UTP18: variants seen among roughly 807,000 people sequenced by gnomAD.
The protein encoded by UTP18 is U3 small nucleolar RNA-associated protein 18 homolog.
UTP18 carries 36 observed loss-of-function variants against 61.1 expected under a neutral mutation model. The observed-to-expected ratio is 0.59, with a 90% confidence interval of 0.45 to 0.78. UTP18 has a LOEUF of 0.78. UTP18 is among the 30% of genes least tolerant of loss of function. UTP18 has a pLI of 0.00. For synonymous variants in UTP18, 282 were observed against 251.1 expected (o/e 1.12, Z -1.16); for missense variants, 753 against 693.9 (o/e 1.09, Z -0.96).
chr17:51,296,195 C>G (rs900993352), intron 12 of UTP18: 9 of 152,160 alleles, frequency 5.9e-5, no homozygotes, highest in African/African-American at 2.2e-4. Flanking sequence ...TTAGGGAGAA[C>G]TAAAGAGCTT....
At chr17:51,276,727 A>G (rs1363836881) in intron 6 of UTP18, among the ~76,000 whole-genome samples, 1 of 152,200 alleles carries the variant, frequency 6.6e-6, no homozygotes, top group Non-Finnish European at 1.5e-5. Flanking sequence ...TGGATAGGGT[A>G]TCCCAGTTTT....
chr17:51,291,629 G>A (rs1472270641), intron 11 of UTP18, among the ~76,000 whole-genome samples: 1 of 151,998 alleles, frequency 6.6e-6, no homozygotes, highest in Admixed American at 6.6e-5. Flanking sequence ...CAGCTACTCA[G>A]GAGGCTGAGA....
intron 12 of UTP18, among the ~76,000 whole-genome samples, chr17:51,294,391 T>C (rs1905307491): frequency 7.0e-6 from 1 of 142,924 alleles, no homozygotes; most frequent in South Asian, 2.4e-4. Flanking sequence ...CATGTTCTCC[T>C]TCCTGTGTCC....
intron 5 of UTP18, 65 bp downstream of exon 5, chr17:51,273,515 C>A: frequency 8.3e-7 from 1 of 1,208,986 alleles, no homozygotes; most frequent in Non-Finnish European, 1.2e-6. Context: ...ATTTGCTTCC[C>A]AGTAGCAGAT....
At chr17:51,282,272 T>A (rs1482201845) in intron 9 of UTP18, among the ~76,000 whole-genome samples, 8 of 152,366 alleles carry the variant, frequency 5.3e-5, no homozygotes, top group African/African-American at 1.7e-4. Flanking sequence ...TTAATAGCAT[T>A]AATTAAAATT....
At chr17:51,270,915 G>GT (rs1407094766) in intron 4 of UTP18, among the ~76,000 whole-genome samples, 1 of 152,212 alleles carries the variant, frequency 6.6e-6, no homozygotes, top group Non-Finnish European at 1.5e-5. Context: ...GGTTCAAAGA[G>GT]ATAGTGACTT....
intron 4 of UTP18, among the ~76,000 whole-genome samples, chr17:51,270,300 A>G (rs1230894976): frequency 1.3e-5 from 2 of 152,070 alleles, no homozygotes; most frequent in African/African-American, 4.8e-5. Flanking sequence ...GCCTCTTTCC[A>G]TGTTTGTTTT....
At position 51,268,860 on chromosome 17, in the gene UTP18, T is replaced by G. The variant is rs1357075215; in HGVS notation, c.578T>G (p.Val193Gly). The G allele has an allele frequency of 1.6e-5, 26 of 1,613,810 alleles. No homozygotes were observed. The highest frequency in any genetic ancestry group is 2.1e-5 in the Non-Finnish European group (25 of 1,179,892). The change falls in exon 4 of 14, where the codon GTA becomes GGA. Residue 193 changes from valine to glycine, a missense_variant. Physicochemically the swap from Val to Gly is moderately radical, Grantham distance 109. Coordinates refer to ENST00000225298, the MANE Select transcript of UTP18 (RefSeq NM_016001.3). ...KEEFQHAMGG[V>G]PAWAETTKRK... ...AGATTCCAACATGCCATGGGAGGAG[T>G]ACCTGCCTGGGCAGAGACTACTAAG...
chr17:51,265,603 G>C (rs1598473944), intron 2 of UTP18, among the ~76,000 whole-genome samples: 1 of 84,526 alleles, frequency 1.2e-5, no homozygotes, highest in Non-Finnish European at 2.1e-5. Flanking sequence ...TCACTCTTTT[G>C]CCCAGGCTGG....
chr17:51,276,548 A>T, intron 6 of UTP18, among the ~76,000 whole-genome samples: 1 of 152,218 alleles, frequency 6.6e-6, no homozygotes, highest in South Asian at 2.1e-4. Context: ...TGGGTCTTCC[A>T]TGTTTAATCT....
chr17:51,289,273 T>C (rs1905188656), intron 11 of UTP18, among the ~76,000 whole-genome samples: 1 of 149,860 alleles, frequency 6.7e-6, no homozygotes, highest in Non-Finnish European at 1.5e-5. Context: ...CTCGGCTCAC[T>C]GCAGCCTCCG....
rs371780348 is a variant in UTP18, at chr17:51,281,163, TA to T, written c.1204+685del. Among the ~76,000 whole-genome samples the T allele has an allele frequency of 7.6e-3, 612 of 80,558 alleles. 2 individuals are homozygous for T. Among genetic ancestry groups the T allele is most frequent in the African/African-American group, 0.026 (506 of 19,734 alleles). 52.8% of individuals were successfully genotyped at this position (80,558 alleles called of 152,430 possible). ...CAAAATATATATATATATATATATA[TA>T]TTTTTTTTAAACGAAAAGTTGTGTT... On this transcript the variant is annotated intron_variant, in intron 9 of 13. Coordinates refer to ENST00000225298, the MANE Select transcript of UTP18 (RefSeq NM_016001.3).
intron 9 of UTP18, among the ~76,000 whole-genome samples, chr17:51,282,130 C>G (rs1597850139): frequency 6.6e-6 from 1 of 152,204 alleles, no homozygotes; most frequent in African/African-American, 2.4e-5. Context: ...ATAGCTAATG[C>G]TGTGTTTGGT....
chr17:51,260,755 G>A lies in UTP18; in HGVS notation c.171G>A (p.Ala57=), dbSNP rs548290009. ...QRKPPARPSA[A]AAAIAVAAAE... is the part of the protein sequence containing the mutation. ...AACCGCCGGCCCGGCCGAGCGCGGC[G>A]GCCGCTGCGATTGCAGTCGCGGCGG... The change falls in exon 1 of 14, where the codon GCG becomes GCA. Residue 57 remains alanine (A), a synonymous_variant. Coordinates refer to ENST00000225298, the MANE Select transcript of UTP18 (RefSeq NM_016001.3). The A allele has an allele frequency of 1.0e-5, 16 of 1,582,008 alleles. No individual in the cohort carries two copies. In the Admixed American group the frequency reaches 3.0e-4, roughly 29 times the overall value.
intron 3 of UTP18, among the ~76,000 whole-genome samples, 162 bp from the exon 4 acceptor site, chr17:51,268,675 G>T (rs1904394892): frequency 6.6e-6 from 1 of 152,216 alleles, no homozygotes; most frequent in African/African-American, 2.4e-5. Context: ...ACTGTTCTGT[G>T]TGAGTAAAGA....
chr17:51,266,036 CAG>C, intron 2 of UTP18, 144 bp from the exon 3 acceptor site: 1 of 529,570 alleles, frequency 1.9e-6, no homozygotes, highest in Non-Finnish European at 3.1e-6. Context: ...TTAGGAAGAA[CAG>C]AGAAGATGCA....
In UTP18 at chr17:51,277,188, T is replaced by A; in HGVS notation, c.896T>A (p.Phe299Tyr). Residue 299 changes from phenylalanine (F) to tyrosine (Y), a missense_variant, in exon 7 of 14, where the codon TTT becomes TAT. By Grantham distance (22) the Phe-to-Tyr change is conservative (BLOSUM62 3). Transcript: ENST00000225298. ...QSIYLERFPI[F>Y]KACFSANGEE... is the part of the protein sequence containing the mutation. ...ATCTATTTGGAAAGGTTTCCAATCTTTAAGGCTTGTTTTAGTGCTAATGGG... is the reference window on the plus strand; with the variant it reads ...ATCTATTTGGAAAGGTTTCCAATCTATAAGGCTTGTTTTAGTGCTAATGGG... 6.2e-7 allele frequency: 1 copy of A among 1,614,184 alleles called. No individual in the cohort carries two copies. The highest frequency in any genetic ancestry group is 8.5e-7 in the Non-Finnish European group (1 of 1,180,032).
rs1270060272 is a variant in UTP18, at chr17:51,269,342, TTTTGACTGTAGG to T, written c.622+442_622+453del. Among the ~76,000 whole-genome samples, 5 of 151,192 alleles carry T rather than the reference TTTTGACTGTAGG, an allele frequency of 3.3e-5. No individual in the cohort carries two copies. In the East Asian group the frequency reaches 9.7e-4, roughly 29 times the overall value. Reference sequence around the variant, plus strand: ...AAAAAAAAAACCAAAAAAATCTGTTTTTTGACTGTAGGTTTTAAATTTAACTTGTACCATGGC... The same window carrying T: ...AAAAAAAAAACCAAAAAAATCTGTTTTTTTAAATTTAACTTGTACCATGGC... On this transcript the variant is annotated intron_variant, in intron 4 of 13. Transcript: ENST00000225298.
chr17:51,281,158 A>C (rs988794053), intron 9 of UTP18, among the ~76,000 whole-genome samples: 1 of 92,982 alleles, frequency 1.1e-5, no homozygotes, highest in Non-Finnish European at 2.1e-5. Flanking sequence ...ATATATATAT[A>C]TATATATTTT....
Sources: gnomAD v4.1 joint callset for allele counts (sites outside exome capture counted in the v4.1 genomes callset) on GRCh38, gnomAD v4.1.1 for gene constraint, MANE v1.5 for transcripts, NCBI Gene and HGNC (gene_info 2026-07-23, HGNC 2026-07-21) for gene names.